Variants in GRM7 observed in about 807,000 individuals in gnomAD.
GRM7 encodes metabotropic glutamate receptor 7.
GRM7 carries 35 observed loss-of-function variants against 84.5 expected under a neutral mutation model. That is an observed-to-expected ratio of 0.41 (90% CI 0.32 to 0.55). The LOEUF is 0.55. GRM7 is among the 20% of genes least tolerant of loss of function. The pLI is 0.19. For synonymous variants in GRM7, 487 were observed against 455.1 expected (o/e 1.07, Z -0.89); for missense variants, 1,003 against 1,194.6 (o/e 0.84, Z 2.36).
intron 4 of GRM7, among the ~76,000 whole-genome samples, chr3:7,356,113 T>G (rs982296624): frequency 6.6e-6 from 1 of 152,090 alleles, no homozygotes; most frequent in African/African-American, 2.4e-5. Context: ...GATTTTATAC[T>G]GATTTATGGA....
intron 1 of GRM7, among the ~76,000 whole-genome samples, chr3:7,019,959 C>A (rs970918065): frequency 6.6e-6 from 1 of 152,080 alleles, no homozygotes; most frequent in South Asian, 2.1e-4. Context: ...GGCTGAAGTC[C>A]GCAAAGGAAA....
At chr3:6,894,902 G>T (rs772830091) in intron 1 of GRM7, among the ~76,000 whole-genome samples, 2 of 152,186 alleles carry the variant, frequency 1.3e-5, no homozygotes, top group East Asian at 1.9e-4. Flanking sequence ...AGATGGAAAG[G>T]TATCTCAAGT....
intron 4 of GRM7, among the ~76,000 whole-genome samples, chr3:7,347,578 T>G (rs1487948158): frequency 1.3e-5 from 2 of 152,168 alleles, no homozygotes; most frequent in Non-Finnish European, 2.9e-5. Flanking sequence ...CCACAGTATA[T>G]TTTTGCCATA....
chr3:7,294,260 C>T (rs7632044), intron 2 of GRM7, among the ~76,000 whole-genome samples: 3 of 152,136 alleles, frequency 2.0e-5, no homozygotes, highest in African/African-American at 7.2e-5. Context: ...AATCACTCAG[C>T]TGTAATTGAA....
chr3:6,917,731 T>C lies in GRM7; in HGVS notation c.519+55824T>C, dbSNP rs116095869. Among the ~76,000 whole-genome samples the C allele has an allele frequency of 3.6e-3, 549 of 152,212 alleles. 4 individuals are homozygous for C. Among genetic ancestry groups the C allele is most frequent in the African/African-American group, 0.013 (522 of 41,532 alleles). ...TGCCTAGAAATGAAATGTAGTAATA[T>C]ATTACATTGCAACTGAATTGATAGC... On this transcript the variant is annotated intron_variant, in intron 1 of 9. Coordinates refer to ENST00000357716, the MANE Select transcript of GRM7 (RefSeq NM_000844.4).
chr3:7,313,964 G>C (rs1004971680), intron 4 of GRM7, among the ~76,000 whole-genome samples: 1 of 151,978 alleles, frequency 6.6e-6, no homozygotes, highest in Non-Finnish European at 1.5e-5. Flanking sequence ...AATACCCTTT[G>C]TGTTGAAATT....
chr3:7,736,185 T>C (rs1319749693), intron 9 of GRM7, among the ~76,000 whole-genome samples: 2 of 152,206 alleles, frequency 1.3e-5, no homozygotes, highest in African/African-American at 4.8e-5. Flanking sequence ...TGTCTATTCA[T>C]CTTGAATCTA....
chr3:7,328,138 T>G (rs770832795), intron 4 of GRM7, among the ~76,000 whole-genome samples: 3 of 152,182 alleles, frequency 2.0e-5, no homozygotes, highest in Non-Finnish European at 4.4e-5. Context: ...ATTTCAACTT[T>G]AGAATTAGCA....
intron 8 of GRM7, among the ~76,000 whole-genome samples, chr3:7,655,326 C>A (rs1475024891): frequency 2.0e-4 from 30 of 152,178 alleles, no homozygotes; most frequent in Non-Finnish European, 4.4e-5. Context: ...CCATGTCTAA[C>A]AACCCAAGGT....
At chr3:7,240,094 G>C (rs1156650869) in intron 2 of GRM7, among the ~76,000 whole-genome samples, 1 of 133,052 alleles carries the variant, frequency 7.5e-6, no homozygotes, top group African/African-American at 2.8e-5. Context: ...TGAGTAAGGA[G>C]TACCAGTAAT....
intron 4 of GRM7, among the ~76,000 whole-genome samples, chr3:7,323,576 T>A (rs1037388981): frequency 6.6e-6 from 1 of 152,218 alleles, no homozygotes; most frequent in Non-Finnish European, 1.5e-5. Context: ...TGTTAAAATA[T>A]ACTGTAGCTT....
rs148024484 is a variant in GRM7, at chr3:7,464,043, T to G, written c.1515+2321T>G. On this transcript the variant is annotated intron_variant, in intron 7 of 9. Transcript: ENST00000357716. ...AAGTGAGGTGGTTCTCAAACTTCAG[T>G]GTGCCTCAGAGCCATCTGGAGGGCT... is the stretch of plus-strand genomic sequence containing the variant. Among the ~76,000 whole-genome samples, 500 of 152,282 alleles carry G rather than the reference T, an allele frequency of 3.3e-3. 5 individuals are homozygous for G. Among genetic ancestry groups the G allele is most frequent in the South Asian group, 0.022 (104 of 4,818 alleles).
intron 3 of GRM7, among the ~76,000 whole-genome samples, chr3:7,301,165 T>TC (rs1357308346): frequency 6.7e-6 from 1 of 149,106 alleles, no homozygotes; most frequent in Non-Finnish European, 1.5e-5. Context: ...CTCACGATGT[T>TC]TTTTTCTCTC....
At chr3:7,198,199 A>G (rs540568220) in intron 2 of GRM7, among the ~76,000 whole-genome samples, 2 of 152,186 alleles carry the variant, frequency 1.3e-5, no homozygotes, top group African/African-American at 2.4e-5. Context: ...CACACTAGCT[A>G]AAGGGAGATA....
intron 4 of GRM7, among the ~76,000 whole-genome samples, chr3:7,397,515 A>C (rs1052937682): frequency 3.9e-5 from 6 of 152,144 alleles, no homozygotes; most frequent in African/African-American, 1.4e-4. Flanking sequence ...TATAGTTAAT[A>C]ATTTGTTGTA....
At chr3:6,984,692 T>G (rs1004126796) in intron 1 of GRM7, among the ~76,000 whole-genome samples, 5 of 152,214 alleles carry the variant, frequency 3.3e-5, no homozygotes, top group Non-Finnish European at 7.3e-5. Flanking sequence ...TGAATGTTTT[T>G]TTTTAGCCTT....
intron 1 of GRM7, among the ~76,000 whole-genome samples, chr3:7,124,922 A>G (rs1041871267): frequency 2.0e-5 from 3 of 152,066 alleles, no homozygotes; most frequent in African/African-American, 7.2e-5. Flanking sequence ...AAATATTACT[A>G]TGCTAGTCTA....
At chr3:6,918,575 C>T (rs1697019607) in intron 1 of GRM7, among the ~76,000 whole-genome samples, 1 of 152,252 alleles carries the variant, frequency 6.6e-6, no homozygotes, top group South Asian at 2.1e-4. Context: ...ATATTATCTT[C>T]TATGTTTATT....
intron 1 of GRM7, among the ~76,000 whole-genome samples, chr3:7,086,585 C>A (rs989510758): frequency 2.0e-5 from 3 of 152,174 alleles, no homozygotes; most frequent in African/African-American, 7.2e-5. Context: ...GACTTCTGTG[C>A]AACTTGATGT....
Sources: gnomAD v4.1 joint callset for allele counts (sites outside exome capture counted in the v4.1 genomes callset) on GRCh38, gnomAD v4.1.1 for gene constraint, MANE v1.5 for transcripts, NCBI Gene and HGNC (gene_info 2026-07-23, HGNC 2026-07-21) for gene names.